RYR3: variants seen among roughly 807,000 people sequenced by gnomAD.
RYR3 encodes brain ryanodine receptor-calcium release channel.
RYR3 carries 207 observed loss-of-function variants against 584.3 expected under a neutral mutation model. The ratio of observed to expected loss-of-function variants is 0.35; its 90% CI spans 0.32 to 0.40. The LOEUF (loss-of-function observed/expected upper bound fraction) is 0.40, where lower values mean the gene tolerates loss of function less well. Among genes scored for constraint, RYR3 ranks in the 10% least tolerant of loss-of-function variants. RYR3 has a pLI of 1.00. For synonymous variants in RYR3, 2,416 were observed against 2,248.5 expected (o/e 1.07, Z -2.11); for missense variants, 5,616 against 6,089.2 (o/e 0.92, Z 2.59).
At chr15:33,411,400 A>AT (rs2043396261) in intron 1 of RYR3, among the ~76,000 whole-genome samples, 1 of 152,192 alleles carries the variant, frequency 6.6e-6, no homozygotes, top group African/African-American at 2.4e-5. Flanking sequence ...GTCACTGCAA[A>AT]TATTGAAGCA....
intron 1 of RYR3, among the ~76,000 whole-genome samples, chr15:33,419,885 A>T (rs1266363263): frequency 6.6e-6 from 1 of 152,204 alleles, no homozygotes; most frequent in Non-Finnish European, 1.5e-5. Flanking sequence ...AGGCATCTGC[A>T]GTACAAGGAC....
intron 18 of RYR3, among the ~76,000 whole-genome samples, chr15:33,609,652 CA>C (rs1167676918): frequency 2.7e-5 from 4 of 150,386 alleles, no homozygotes; most frequent in East Asian, 1.9e-4. Flanking sequence ...AACTCTGTCT[CA>C]AAAAAAAGTT....
At chr15:33,372,618 G>A (rs1402811240) in intron 1 of RYR3, among the ~76,000 whole-genome samples, 8 of 151,966 alleles carry the variant, frequency 5.3e-5, no homozygotes, top group Admixed American at 3.3e-4. Flanking sequence ...ACCTGCCTCG[G>A]CCTCCCAAAG....
At chr15:33,435,546 C>A (rs1049681354) in intron 1 of RYR3, among the ~76,000 whole-genome samples, 2 of 152,176 alleles carry the variant, frequency 1.3e-5, no homozygotes, top group Non-Finnish European at 2.9e-5. Context: ...TTTATACTTA[C>A]AAATGAAATT....
chr15:33,609,805 TGAACAG>T (rs1157636590), intron 18 of RYR3, among the ~76,000 whole-genome samples: 1 of 152,114 alleles, frequency 6.6e-6, no homozygotes, highest in African/African-American at 2.4e-5. Context: ...AGCAAGGACT[TGAACAG>T]GAGGAAGAAA....
At chr15:33,350,245 C>A (rs1232283784) in intron 1 of RYR3, among the ~76,000 whole-genome samples, 1 of 152,012 alleles carries the variant, frequency 6.6e-6, no homozygotes. Context: ...TACAGGAGCA[C>A]CCAGATTCAT....
At chr15:33,381,133 C>T (rs1002461986) in intron 1 of RYR3, among the ~76,000 whole-genome samples, 2 of 152,102 alleles carry the variant, frequency 1.3e-5, no homozygotes, top group Non-Finnish European at 2.9e-5. Context: ...TTGTTACTGC[C>T]GAGATGAAGG....
intron 27 of RYR3, 55 bp downstream of exon 27, chr15:33,636,605 G>A (rs2061512422): frequency 6.7e-7 from 1 of 1,484,436 alleles, no homozygotes; most frequent in Admixed American, 2.2e-5. Flanking sequence ...GGAAAATATA[G>A]GGAGAGCTGA....
intron 2 of RYR3, among the ~76,000 whole-genome samples, chr15:33,496,858 A>G (rs2051474685): frequency 6.6e-6 from 1 of 152,104 alleles, no homozygotes; most frequent in Non-Finnish European, 1.5e-5. Context: ...TTTAGCATTG[A>G]ATTTCCTTTT....
chr15:33,648,694 C>T (rs748773900), intron 30 of RYR3, among the ~76,000 whole-genome samples: 3 of 152,244 alleles, frequency 2.0e-5, no homozygotes, highest in Non-Finnish European at 2.9e-5. Flanking sequence ...CCGCTCTCTC[C>T]TGCAGCTCAG....
chr15:33,622,064 C>T (rs2060753489), intron 19 of RYR3, among the ~76,000 whole-genome samples: 1 of 152,188 alleles, frequency 6.6e-6, no homozygotes, highest in Non-Finnish European at 1.5e-5. Flanking sequence ...CACCTCCGTC[C>T]AACCCACCAT....
At position 33,662,894 on chromosome 15, in the gene RYR3, G is replaced by T. The variant is rs760634766; in HGVS notation, c.5364G>T (p.Glu1788Asp). 6.2e-7 allele frequency: 1 copy of T among 1,613,482 alleles called. No individual in the cohort carries two copies. The highest frequency in any genetic ancestry group is 8.5e-7 in the Non-Finnish European group (1 of 1,179,878). The change falls in exon 35 of 104, where the codon GAG (glutamate) becomes GAT (aspartate). Residue 1788 changes from glutamate (E) to aspartate (D), a missense_variant. Coordinates refer to ENST00000634891, the MANE Select transcript of RYR3 (RefSeq NM_001036.6). ...AGGCTGGGGAGAAGGCCGGCAAGGA[G>T]GCTCCTGTCAAAGGCTTGTTGCAGA... is the stretch of plus-strand genomic sequence containing the variant. ...AVEAGEKAGK[E>D]APVKGLLQTR...
Position 33,800,772 on chromosome 15 carries a change from C to A in RYR3, c.9833C>A (p.Ser3278Tyr), listed in dbSNP as rs1442544131. 6.2e-7 allele frequency: 1 copy of A among 1,612,348 alleles called. No individual in the cohort carries two copies. The highest frequency in any genetic ancestry group is 8.5e-7 in the Non-Finnish European group (1 of 1,178,396). Residue 3278 changes from serine (S) to tyrosine (Y), a missense_variant and splice_region_variant, in exon 68 of 104, where the codon TCT becomes TAT. By Grantham distance (144) the Ser-to-Tyr change is moderately radical. This residue lies in a region of RYR3 where 954 missense variants were observed against 1,132.2 expected (regional missense o/e 0.84). Coordinates refer to ENST00000634891, the MANE Select transcript of RYR3 (RefSeq NM_001036.6). ...TGTTTATTTACTTTTGGACCCAGAT[C>A]TAACTGGCTGAAAAGTCCTGATGCT... ...MLIRYVDNNR[S>Y]NWLKSPDADS... is the part of the protein sequence containing the mutation.
At chr15:33,669,880 G>GGTGTGTGTGTGTGTGT (rs71117160) in intron 37 of RYR3, among the ~76,000 whole-genome samples, 1 of 103,448 alleles carries the variant, frequency 9.7e-6, no homozygotes, top group Non-Finnish European at 1.9e-5. Context: ...GGGTGTGTGT[G>GGTGTGTGTGTGTGTGT]GTGTGTGTGT....
chr15:33,634,299 C>T (rs2061402749), intron 24 of RYR3, among the ~76,000 whole-genome samples: 1 of 152,228 alleles, frequency 6.6e-6, no homozygotes, highest in South Asian at 2.1e-4. Context: ...GATCCACCCA[C>T]CTCGGCCTCC....
intron 10 of RYR3, among the ~76,000 whole-genome samples, chr15:33,559,651 A>C (rs1020195355): frequency 6.6e-6 from 1 of 152,150 alleles, no homozygotes; most frequent in African/African-American, 2.4e-5. Flanking sequence ...AAGGCAGAGG[A>C]ATATTGCCTC....
chr15:33,825,741 TTTTTTCC>T, intron 82 of RYR3, 65 bp downstream of exon 82: 1 of 708,636 alleles, frequency 1.4e-6, no homozygotes, highest in East Asian at 3.7e-5. Flanking sequence ...TTTTTTTTTT[TTTTTTCC>T]CCATACAGAG....
intron 1 of RYR3, among the ~76,000 whole-genome samples, chr15:33,344,557 A>T (rs1030895732): frequency 4.6e-5 from 7 of 151,924 alleles, no homozygotes; most frequent in Admixed American, 1.3e-4. Flanking sequence ...AAATGTGTTA[A>T]TTTTCCCAGG....
intron 66 of RYR3, 66 bp from the exon 67 acceptor site, chr15:33,788,152 C>T (rs188653592): frequency 3.7e-4 from 595 of 1,599,258 alleles, no homozygotes; most frequent in Non-Finnish European, 4.8e-4. Flanking sequence ...ACCTTTCAGT[C>T]ATGTCTTTCA....
Sources: allele counts gnomAD v4.1 joint callset (sites outside exome capture counted in the v4.1 genomes callset), GRCh38; gene constraint gnomAD v4.1.1; regional missense constraint gnomAD v4.1.1; transcripts MANE v1.5; gene names NCBI Gene and HGNC (gene_info 2026-07-23, HGNC 2026-07-21).